The following DCHS1 variants were observed in gnomAD, a reference collection of about 807,000 sequenced individuals.
The protein encoded by DCHS1 is dachsous cadherin-related 1, also known as protocadherin-16.
In DCHS1, 78 loss-of-function variants were observed where a neutral mutation model predicts 213.9. The observed-to-expected ratio is 0.36, with a 90% CI of 0.30 to 0.44. DCHS1 has a LOEUF of 0.44. DCHS1 is among the 20% of genes least tolerant of loss of function. The pLI, the probability that DCHS1 is intolerant of heterozygous loss-of-function variation, is 1.00. For synonymous variants in DCHS1, 1,828 were observed against 1,873.7 expected (o/e 0.98, Z 0.63); for missense variants, 3,946 against 4,395.9 (o/e 0.90, Z 2.89).
Position 6,641,816 on chromosome 11 carries a change from C to T in DCHS1, c.-120-83G>A, listed in dbSNP as rs1856080557. The T allele has an allele frequency of 8.5e-7, 1 of 1,176,124 alleles. No homozygotes were observed. The highest frequency in any genetic ancestry group is 1.2e-6 in the Non-Finnish European group (1 of 867,444). The allele number at this position is 1,176,124 out of a possible 1,614,324, so 72.9% of individuals were successfully genotyped here. ...ACCTGGACGAGGCCACATCAACATT[C>T]AGATATGCTCAGCCCCCAGCAGGCC... On this transcript the variant is annotated intron_variant, in intron 1 of 20. Coordinates refer to ENST00000299441, the MANE Select transcript of DCHS1 (RefSeq NM_003737.4). This position sits in a 1 kb window ranked among gnomAD's most constrained non-coding sequence, Gnocchi z 7.1.
rs1855847763 is a variant in DCHS1 at position 6,628,531 on chromosome 11, A to G, written c.5371+90T>C. 1.4e-6 allele frequency: 2 copies of G among 1,450,540 alleles called. No individual in the cohort carries two copies. The highest frequency in any genetic ancestry group is 1.4e-5 in the African/African-American group (1 of 71,456). 89.9% of individuals were successfully genotyped at this position (1,450,540 alleles called of 1,614,324 possible). A position where few individuals can be genotyped will look rare whatever the true frequency, so the allele number is the denominator to read the frequency against. ...GACATCAAGAGGGAAAAGGAGACCC[A>G]GACACATGCACTGAGGCTGACAGCA... is the stretch of plus-strand genomic sequence containing the variant. On this transcript the variant is annotated intron_variant, in intron 13 of 20. Transcript: ENST00000299441. The surrounding 1 kb of genome is among the most constrained non-coding windows in gnomAD (Gnocchi z 4.3).
intron 2 of DCHS1, among the ~76,000 whole-genome samples, chr11:6,636,024 C>T (rs1291079580): frequency 2.0e-5 from 3 of 152,170 alleles, no homozygotes; most frequent in Non-Finnish European, 4.4e-5. Flanking sequence ...TAATAAACTT[C>T]ATCCCTCTTC....
At position 6,632,350 on chromosome 11, in the gene DCHS1, T is replaced by C. The variant is rs768393607; in HGVS notation, c.3162A>G (p.Leu1054=). 3.1e-5 allele frequency: 50 copies of C among 1,613,788 alleles called. No homozygotes were observed. In the South Asian group the frequency reaches 3.7e-4, roughly 12 times the overall value. The change falls in exon 6 of 21, where the codon CTA becomes CTG. Residue 1054 remains leucine (L), a synonymous_variant. Transcript: ENST00000299441. This position sits in a 1 kb window ranked among gnomAD's most constrained non-coding sequence, Gnocchi z 5.9. ...CACGGTCTAGTGCTGCCCGCACCCA[T>C]AGCCACCCACTCTGTGGCTCCAGGC... The part of the protein sequence containing the change: ...PFGLEPQSGW[L]WVRAALDREA...
chr11:6,626,795 G>A lies in DCHS1; in HGVS notation c.6244C>T (p.Pro2082Ser), dbSNP rs1855811934. 1.9e-6 allele frequency: 3 copies of A among 1,611,612 alleles called. No individual in the cohort carries two copies. The highest frequency in any genetic ancestry group is 1.3e-5 in the African/African-American group (1 of 74,916). Residue 2082 changes from proline to serine, a missense_variant, in exon 14 of 21, where the codon CCC becomes TCC. By Grantham distance (74) the Pro-to-Ser change is moderately conservative. This residue lies in a region of DCHS1 where 3,384 missense variants were observed against 3,780.1 expected (regional missense o/e 0.90). Transcript: ENST00000299441. This position sits in a 1 kb window ranked among gnomAD's most constrained non-coding sequence, Gnocchi z 5.2. Reference sequence around the variant, plus strand: ...GAAATGGCTGGGGACCCACCTGGGGGCGCATTCTCACGAATCGTAGCCTCA... The same window carrying A: ...GAAATGGCTGGGGACCCACCTGGGGACGCATTCTCACGAATCGTAGCCTCA... ...SSEATIRENA[P>S]PGTPIVSPRA...
intron 9 of DCHS1, 80 bp from the exon 10 acceptor site, chr11:6,630,943 G>A (rs1855898160): frequency 6.7e-7 from 1 of 1,501,110 alleles, no homozygotes; most frequent in South Asian, 1.3e-5. Flanking sequence ...CAGGTGGTAG[G>A]AAAGTGGTCA....
Position 6,630,201 on chromosome 11 carries a change from T to C in DCHS1, c.4593A>G (p.Ser1531=). 1 of 1,580,442 alleles carries C rather than the reference T, an allele frequency of 6.3e-7. No individual in the cohort carries two copies. Among genetic ancestry groups the C allele is most frequent in the Non-Finnish European group, 8.6e-7 (1 of 1,164,580 alleles). The change falls in exon 10 of 21, where the codon TCA becomes TCG. Residue 1531 remains serine, a synonymous_variant. Transcript: ENST00000299441. ...TCTCATCCGTGACGAAGACGCGCGC[T>C]GAAACGCGCGCTGCACGACGGCGGC... is the stretch of plus-strand genomic sequence containing the variant. ...NASRRRAARV[S]ARVFVTDEND...
At chr11:6,642,510 A>G (rs1856094260) in intron 1 of DCHS1, among the ~76,000 whole-genome samples, 1 of 152,114 alleles carries the variant, frequency 6.6e-6, no homozygotes, top group Non-Finnish European at 1.5e-5. Context: ...GGTGCTAGCT[A>G]GGCAATGGTG....
chr11:6,625,130 G>T lies in DCHS1; in HGVS notation c.7146+68C>A. The T allele has an allele frequency of 6.6e-7, 1 of 1,523,940 alleles. No individual in the cohort carries two copies. The highest frequency in any genetic ancestry group is 8.8e-7 in the Non-Finnish European group (1 of 1,135,714). The allele number at this position is 1,523,940 out of a possible 1,614,324, so 94.4% of individuals were successfully genotyped here. On this transcript the variant is annotated intron_variant, in intron 19 of 20. Coordinates refer to ENST00000299441, the MANE Select transcript of DCHS1 (RefSeq NM_003737.4). This position sits in a 1 kb window ranked among gnomAD's most constrained non-coding sequence, Gnocchi z 5.3. ...GTCCAGCCCACCTCAGCAGCTGCTAGCTCTGATACTTCCCTCCAACAGGAA... is the reference window on the plus strand; with the variant it reads ...GTCCAGCCCACCTCAGCAGCTGCTATCTCTGATACTTCCCTCCAACAGGAA...
chr11:6,630,524 C>G lies in DCHS1; in HGVS notation c.4270G>C (p.Val1424Leu). 5 of 1,537,254 alleles carry G rather than the reference C, an allele frequency of 3.3e-6. No homozygotes were observed. The highest frequency in any genetic ancestry group is 3.5e-6 in the Non-Finnish European group (4 of 1,148,498). ...GAGARLLRVQVQVQDENEHAP... is the reference protein window; with the variant it reads ...GAGARLLRVQLQVQDENEHAP... ...TGCTCATTCTCGTCCTGCACTTGCA[C>G]CTGCACTCGCAGCAGCCGCGCGCCC... is the stretch of plus-strand genomic sequence containing the variant. Residue 1424 changes from valine to leucine, a missense_variant, in exon 10 of 21, where the codon GTG (valine) becomes CTG (leucine). By Grantham distance (32) the Val-to-Leu change is conservative. Around this residue, in one of 3 missense-constraint regions of DCHS1, gnomAD observed 3,384 missense variants for 3,780.1 expected, o/e 0.90. Transcript: ENST00000299441.
intron 1 of DCHS1, among the ~76,000 whole-genome samples, chr11:6,649,386 G>A (rs533269091): frequency 6.6e-6 from 1 of 151,964 alleles, no homozygotes; most frequent in South Asian, 2.1e-4. Flanking sequence ...TGTGCAGGGT[G>A]GGTGAGAGGA....
Position 6,641,852 on chromosome 11 carries a change from C to G in DCHS1, c.-120-119G>C, listed in dbSNP as rs886390706. The G allele has an allele frequency of 8.1e-6, 7 of 864,060 alleles. No individual in the cohort carries two copies. The highest frequency in any genetic ancestry group is 1.2e-5 in the Non-Finnish European group (7 of 593,130). 53.5% of individuals were successfully genotyped at this position (864,060 alleles called of 1,614,324 possible). A position where few individuals can be genotyped will look rare whatever the true frequency, so the allele number is the denominator to read the frequency against. On this transcript the variant is annotated intron_variant, in intron 1 of 20. Coordinates refer to ENST00000299441, the MANE Select transcript of DCHS1 (RefSeq NM_003737.4). This position sits in a 1 kb window ranked among gnomAD's most constrained non-coding sequence, Gnocchi z 7.1. ...AGCCCCCAGCAGGCCCTTGTGCTGCCTCACACTCATCTTGGGCCACACGGA... is the reference window on the plus strand; with the variant it reads ...AGCCCCCAGCAGGCCCTTGTGCTGCGTCACACTCATCTTGGGCCACACGGA...
Position 6,628,936 on chromosome 11 carries a change from A to C in DCHS1, c.5162-106T>G. 1 of 1,209,758 alleles carries C rather than the reference A, an allele frequency of 8.3e-7. No individual in the cohort carries two copies. Among genetic ancestry groups the C allele is most frequent in the Non-Finnish European group, 1.2e-6 (1 of 841,466 alleles). 74.9% of individuals were successfully genotyped at this position (1,209,758 alleles called of 1,614,324 possible). A position where few individuals can be genotyped will look rare whatever the true frequency, so the allele number is the denominator to read the frequency against. ...TCACTAGGTGCACACAAACCAGAAA[A>C]TGTCCATCTCTCCATACCTCTCAGG... On this transcript the variant is annotated intron_variant, in intron 12 of 20. Transcript: ENST00000299441. The surrounding 1 kb of genome is among the most constrained non-coding windows in gnomAD (Gnocchi z 4.3).
rs2134630685 is a variant in DCHS1 at position 6,632,480 on chromosome 11, G to A, written c.3032C>T (p.Ser1011Leu). 1 of 1,586,084 alleles carries A rather than the reference G, an allele frequency of 6.3e-7. No individual in the cohort carries two copies. Among genetic ancestry groups the A allele is most frequent in the Non-Finnish European group, 8.6e-7 (1 of 1,164,004 alleles). The change falls in exon 6 of 21, where the codon TCA becomes TTA. Residue 1011 changes from serine to leucine, a missense_variant. Ser to Leu is a moderately radical substitution (Grantham distance 145). Around this residue, in one of 3 missense-constraint regions of DCHS1, gnomAD observed 3,384 missense variants for 3,780.1 expected, o/e 0.90. Transcript: ENST00000299441. This position sits in a 1 kb window ranked among gnomAD's most constrained non-coding sequence, Gnocchi z 5.9. ...GACCTGAGTTCCAGCAGTGGTGCCT[G>A]AGGGCAGGTCCACACGGTAGGTAGG... ...NSPTYRVDLP[S>L]GTTAGTQVLQ...
In DCHS1 at chr11:6,641,566, G is replaced by T; in HGVS notation, c.48C>A (p.Ser16Arg). ...ATGGTAGCAGGAGGTGGGGCCTGGG[G>T]CTCTTCATGCCAGGGCAGGAAGGCA... ...GIVPSCPGMKSPRPHLLLPLL... is the reference protein window; with the variant it reads ...GIVPSCPGMKRPRPHLLLPLL... Residue 16 changes from serine to arginine, a missense_variant, in exon 2 of 21, where the codon AGC becomes AGA. Transcript: ENST00000299441. The surrounding 1 kb of genome is among the most constrained non-coding windows in gnomAD (Gnocchi z 7.1). 1 of 1,550,934 alleles carries T rather than the reference G, an allele frequency of 6.4e-7. No homozygotes were observed. Among genetic ancestry groups the T allele is most frequent in the African/African-American group, 1.4e-5 (1 of 73,130 alleles).
Position 6,630,332 on chromosome 11 carries a change from GGCGAAGC to G in DCHS1, c.4455_4461del (p.Leu1486TrpfsTer81). 7.6e-7 allele frequency: 1 copy of G among 1,320,836 alleles called. No individual in the cohort carries two copies. Among genetic ancestry groups the G allele is most frequent in the Non-Finnish European group, 9.6e-7 (1 of 1,037,410 alleles). The allele number at this position is 1,320,836 out of a possible 1,614,324, so 81.8% of individuals were successfully genotyped here. On this transcript the variant is annotated frameshift_variant, in exon 10 of 21. Transcript: ENST00000299441. LOFTEE classifies it high-confidence loss of function. ...CTGAGCGCCCCGGTGCGCGCGTCCAGGCGAAGCGCCGGCACGGGCGGCTCCTGGCGCA... is the reference window on the plus strand; with the variant it reads ...CTGAGCGCCCCGGTGCGCGCGTCCAGGCCGGCACGGGCGGCTCCTGGCGCA...
At chr11:6,643,538 A>G (rs1336193876) in intron 1 of DCHS1, among the ~76,000 whole-genome samples, 6 of 151,908 alleles carry the variant, frequency 3.9e-5, no homozygotes, top group African/African-American at 1.5e-4. Context: ...TCTTATTTCC[A>G]TCATGCTTCC....
Position 6,627,357 on chromosome 11 carries a change from C to T in DCHS1, c.5682G>A (p.Leu1894=). 1 of 1,607,984 alleles carries T rather than the reference C, an allele frequency of 6.2e-7. No homozygotes were observed. Among genetic ancestry groups the T allele is most frequent in the Non-Finnish European group, 8.5e-7 (1 of 1,177,294 alleles). ...GGAAGGCTCCTGCTGTACCGGCGCC[C>T]AGGTAGTAGGTCACATGGCCATTAG... ...AGANGHVTYY[L]GAGTAGAFLL... Residue 1894 remains leucine, a synonymous_variant, in exon 14 of 21, where the codon CTG becomes CTA. Transcript: ENST00000299441. This position sits in a 1 kb window ranked among gnomAD's most constrained non-coding sequence, Gnocchi z 5.4.
In DCHS1 at chr11:6,630,447, C is replaced by T; in HGVS notation, c.4347G>A (p.Pro1449=). Residue 1449 remains proline (P), a synonymous_variant, in exon 10 of 21, where the codon CCG becomes CCA. Coordinates refer to ENST00000299441, the MANE Select transcript of DCHS1 (RefSeq NM_003737.4). ...AAGTGTACAGCGCTGCGCCGGGCTC[C>T]GGGTTCTCTGGCAGCGCCAGCGCCA... ...DPLALALPEN[P]EPGAALYTFR... is the part of the protein sequence containing the mutation. The T allele has an allele frequency of 6.6e-7, 1 of 1,510,766 alleles. No homozygotes were observed. The highest frequency in any genetic ancestry group is 1.2e-5 in the South Asian group (1 of 83,130). 93.6% of individuals were successfully genotyped at this position (1,510,766 alleles called of 1,614,324 possible). A position where few individuals can be genotyped will look rare whatever the true frequency, so the allele number is the denominator to read the frequency against.
Position 6,630,611 on chromosome 11 carries a change from C to T in DCHS1, c.4183G>A (p.Asp1395Asn), listed in dbSNP as rs1315176914. The T allele has an allele frequency of 6.5e-7, 1 of 1,541,718 alleles. No homozygotes were observed. The highest frequency in any genetic ancestry group is 2.0e-5 in the Admixed American group (1 of 51,004). ...CGCCACGGCGGGCCAGCTTCGAAGT[C>T]CAGGGGCCGCGCCAGGTACAAGCGC... ...SGRLYLARPLDFEAGPPWRAL... is the reference protein window; with the variant it reads ...SGRLYLARPLNFEAGPPWRAL... The change falls in exon 10 of 21, where the codon GAC becomes AAC. Residue 1395 changes from aspartate (D) to asparagine (N), a missense_variant. Asp to Asn is a conservative substitution (Grantham distance 23, BLOSUM62 1). This residue lies in a region of DCHS1 where 3,384 missense variants were observed against 3,780.1 expected (regional missense o/e 0.90). Transcript: ENST00000299441.
Sources: allele counts gnomAD v4.1 joint callset (sites outside exome capture counted in the v4.1 genomes callset), GRCh38; gene constraint gnomAD v4.1.1; regional missense constraint gnomAD v4.1.1; non-coding constraint Gnocchi (gnomAD v3.1); transcripts MANE v1.5; gene names NCBI Gene and HGNC (gene_info 2026-07-23, HGNC 2026-07-21).